RARB: variants seen among roughly 807,000 people sequenced by gnomAD.
RARB encodes HBV-activated protein.
Under a neutral mutation model 51.9 loss-of-function variants are expected in RARB, and 17 were observed. The ratio of observed to expected loss-of-function variants is 0.33; its 90% CI spans 0.22 to 0.49. RARB has a LOEUF of 0.49. Among genes scored for constraint, RARB ranks in the 20% least tolerant of loss-of-function variants. The probability of loss-of-function intolerance (pLI) is 0.99; values close to 1 mark genes in which losing one functional copy is unlikely to be tolerated. For synonymous variants in RARB, 215 were observed against 195.4 expected, an observed-to-expected ratio of 1.10 and a Z score of -0.84; for missense variants, 369 against 550.8, an observed-to-expected ratio of 0.67 and a Z score of 3.30.
At position 25,246,817 on chromosome 3, in the gene RARB, C is replaced by A. The variant is rs140483228; in HGVS notation, c.178+72242C>A. 2.2e-3 allele frequency among the ~76,000 whole-genome samples: 332 copies of A among 152,292 alleles called. 1 individual carries two copies. The highest frequency in any genetic ancestry group is 6.4e-3 in the African/African-American group (264 of 41,572). ...CAGGGTTTGGAGACCCACTTGAGGACGCAGTCTGTCCCTTAGCAGAGCTCA... is the reference window on the plus strand; with the variant it reads ...CAGGGTTTGGAGACCCACTTGAGGAAGCAGTCTGTCCCTTAGCAGAGCTCA... On this transcript the variant is annotated intron_variant, in intron 5 of 11. Transcript: ENST00000383772.
Position 25,499,928 on chromosome 3 carries a change from A to T in RARB, c.307-1254A>T, listed in dbSNP as rs557395052. 1.0e-3 allele frequency among the ~76,000 whole-genome samples: 154 copies of T among 152,324 alleles called. 1 individual carries two copies. Among genetic ancestry groups the T allele is most frequent in the African/African-American group, 3.2e-3 (135 of 41,572 alleles). On this transcript the variant is annotated intron_variant, in intron 2 of 7. Transcript: ENST00000330688. ...TTTGCACCTACACTAGACAAAAATT[A>T]TGTGTAATTTACCAATTTTCTACAG...
intron 3 of RARB, among the ~76,000 whole-genome samples, chr3:25,507,261 G>A (rs1398534651): frequency 6.6e-6 from 1 of 152,020 alleles, no homozygotes; most frequent in Non-Finnish European, 1.5e-5. Context: ...ATTGATCAAG[G>A]GGTTAAATGT....
intron 2 of RARB, among the ~76,000 whole-genome samples, chr3:24,949,541 G>A (rs376341240): frequency 1.3e-5 from 2 of 152,280 alleles, no homozygotes; most frequent in African/African-American, 4.8e-5. Context: ...GATATATGTT[G>A]CATTAGAAAA....
At chr3:24,874,231 T>C (rs374254826) in intron 2 of RARB, among the ~76,000 whole-genome samples, 1 of 152,038 alleles carries the variant, frequency 6.6e-6, no homozygotes, top group Non-Finnish European at 1.5e-5. Flanking sequence ...TTCTTTGAAA[T>C]TGGTTGAGAC....
chr3:25,277,054 T>C (rs1703407088), intron 5 of RARB, among the ~76,000 whole-genome samples: 1 of 152,206 alleles, frequency 6.6e-6, no homozygotes, highest in South Asian at 2.1e-4. Flanking sequence ...GTATCTCTCT[T>C]CAAGGTTAAT....
intron 2 of RARB, among the ~76,000 whole-genome samples, chr3:24,986,396 G>C (rs531808543): frequency 6.6e-6 from 1 of 152,278 alleles, no homozygotes; most frequent in African/African-American, 2.4e-5. Context: ...TAAAGATCTG[G>C]AAGATAAAAA....
In RARB at chr3:24,880,202, A is replaced by AT. The variant is rs1329512881; in HGVS notation, c.-380+21460dup. ...TTATACCACCCTAAATGGCAACTGC[A>AT]TTTTTTTTTTCTGTAACAAATGAGC... On this transcript the variant is annotated intron_variant, in intron 2 of 11. Coordinates refer to the RARB transcript ENST00000383772. Among the ~76,000 whole-genome samples the AT allele has an allele frequency of 3.9e-3, 581 of 147,250 alleles. 1 individual carries two copies. Among genetic ancestry groups the AT allele is most frequent in the African/African-American group, 0.013 (526 of 40,370 alleles).
At chr3:25,190,522 A>G (rs1401571259) in intron 5 of RARB, among the ~76,000 whole-genome samples, 1 of 152,118 alleles carries the variant, frequency 6.6e-6, no homozygotes, top group South Asian at 2.1e-4. Context: ...TGAGGTCACA[A>G]TGTGCCAAAT....
intron 5 of RARB, among the ~76,000 whole-genome samples, chr3:25,376,078 T>A (rs551893544): frequency 1.3e-5 from 2 of 152,242 alleles, no homozygotes; most frequent in African/African-American, 4.8e-5. Context: ...AAATGTTAGC[T>A]CTTACAGTAT....
At chr3:25,099,543 A>G (rs1699359693) in intron 3 of RARB, among the ~76,000 whole-genome samples, 1 of 151,622 alleles carries the variant, frequency 6.6e-6, no homozygotes, top group African/African-American at 2.4e-5. Flanking sequence ...CTTCTTAGAT[A>G]TTATTATACT....
intron 2 of RARB, among the ~76,000 whole-genome samples, chr3:25,472,284 C>T (rs1575436829): frequency 6.6e-6 from 1 of 152,136 alleles, no homozygotes; most frequent in East Asian, 1.9e-4. Context: ...TCATCTTATT[C>T]TAGCTACTGG....
At chr3:25,007,522 G>T (rs372983801) in intron 2 of RARB, among the ~76,000 whole-genome samples, 3 of 146,238 alleles carry the variant, frequency 2.1e-5, no homozygotes, top group East Asian at 2.1e-4. Context: ...AGCTACCTGG[G>T]AGGCAGAGGT....
At chr3:25,513,256 C>T (rs1435885622) in intron 3 of RARB, among the ~76,000 whole-genome samples, 1 of 151,980 alleles carries the variant, frequency 6.6e-6, no homozygotes, top group East Asian at 1.9e-4. Flanking sequence ...CACCGCACTC[C>T]AGCCTGGACA....
At chr3:25,244,331 A>G (rs1295280949) in intron 5 of RARB, among the ~76,000 whole-genome samples, 1 of 117,824 alleles carries the variant, frequency 8.5e-6, no homozygotes, top group African/African-American at 3.4e-5. Flanking sequence ...CTCTGATCTT[A>G]GTTGTTTCTT....
At chr3:25,505,925 A>G (rs543068731) in intron 3 of RARB, among the ~76,000 whole-genome samples, 1 of 152,350 alleles carries the variant, frequency 6.6e-6, no homozygotes, top group South Asian at 2.1e-4. Flanking sequence ...AGCTTACGGT[A>G]TAGATAATAG....
intron 5 of RARB, among the ~76,000 whole-genome samples, chr3:25,202,521 G>GGTTTCAAAGCAC: frequency 6.6e-6 from 1 of 152,090 alleles, no homozygotes; most frequent in Admixed American, 6.6e-5. Context: ...TTTTAATTGT[G>GGTTTCAAAGCAC]ATGTTAGGGT....
At chr3:25,269,800 G>A (rs1188255610) in intron 5 of RARB, among the ~76,000 whole-genome samples, 6 of 152,064 alleles carry the variant, frequency 3.9e-5, no homozygotes, top group African/African-American at 9.7e-5. Flanking sequence ...AACAAAATTT[G>A]TATATACTCA....
chr3:25,024,661 T>G (rs1697704822), intron 2 of RARB, among the ~76,000 whole-genome samples: 1 of 152,022 alleles, frequency 6.6e-6, no homozygotes, highest in Admixed American at 6.6e-5. Context: ...AATCTTGAAA[T>G]TTAAAAAGAG....
intron 5 of RARB, among the ~76,000 whole-genome samples, chr3:25,192,338 A>T (rs1321719110): frequency 6.6e-6 from 1 of 152,108 alleles, no homozygotes; most frequent in Non-Finnish European, 1.5e-5. Flanking sequence ...ATTGTTTTAA[A>T]ACTATTGGTT....
Sources: allele counts gnomAD v4.1 joint callset (sites outside exome capture counted in the v4.1 genomes callset), GRCh38; gene constraint gnomAD v4.1.1; transcripts MANE v1.5; gene names NCBI Gene and HGNC (gene_info 2026-07-23, HGNC 2026-07-21).